ULK4: variants seen among roughly 807,000 people sequenced by gnomAD.
The protein encoded by ULK4 is unc-51 like kinase 4.
ULK4 carries 133 observed loss-of-function variants against 160.6 expected under a neutral mutation model. The observed-to-expected ratio is 0.83, with a 90% CI of 0.72 to 0.96. ULK4 has a LOEUF of 0.96. ULK4 is among the 40% of genes least tolerant of loss of function. ULK4 has a pLI of 0.00. For missense variants in ULK4, 1,580 were observed against 1,499.5 expected, an observed-to-expected ratio of 1.05 and a Z score of -0.89; for synonymous variants, 534 against 539.8, an observed-to-expected ratio of 0.99 and a Z score of 0.15.
intron 32 of ULK4, among the ~76,000 whole-genome samples, chr3:41,493,005 A>G (rs1436287165): frequency 7.3e-6 from 1 of 136,094 alleles, no homozygotes; most frequent in African/African-American, 2.7e-5. Flanking sequence ...CACTGTCAAC[A>G]TTAGACAGAT....
chr3:41,327,283 G>T (rs1309483466), intron 35 of ULK4, among the ~76,000 whole-genome samples: 1 of 152,090 alleles, frequency 6.6e-6, no homozygotes, highest in Non-Finnish European at 1.5e-5. Flanking sequence ...ACTTTCAGGA[G>T]CAAATTACAC....
intron 18 of ULK4, among the ~76,000 whole-genome samples, chr3:41,824,800 C>T (rs1254154538): frequency 6.6e-6 from 1 of 152,170 alleles, no homozygotes. Context: ...CCCTGTCTGC[C>T]AGCTTTGAAG....
intron 35 of ULK4, among the ~76,000 whole-genome samples, chr3:41,337,114 C>T (rs908374979): frequency 1.3e-5 from 2 of 152,190 alleles, no homozygotes; most frequent in Non-Finnish European, 2.9e-5. Context: ...CATGAATCAA[C>T]AGCAAATTCA....
At chr3:41,579,485 ATTTTTTTTTTTTTT>A (rs59650826) in intron 31 of ULK4, among the ~76,000 whole-genome samples, 3 of 85,194 alleles carry the variant, frequency 3.5e-5, no homozygotes, top group Middle Eastern at 7.2e-3. Context: ...TGGAACTAAT[ATTTTTTTTTTTTTT>A]TTTTTTTTTT....
At chr3:41,831,774 C>T (rs1057357798) in intron 18 of ULK4, among the ~76,000 whole-genome samples, 4 of 151,946 alleles carry the variant, frequency 2.6e-5, no homozygotes, top group Non-Finnish European at 5.9e-5. Flanking sequence ...TGTTCAACTC[C>T]CATTTGTGAG....
intron 35 of ULK4, among the ~76,000 whole-genome samples, chr3:41,316,481 G>C (rs919220709): frequency 1.3e-5 from 2 of 152,144 alleles, no homozygotes; most frequent in Middle Eastern, 3.2e-3. Flanking sequence ...GATGAAGCTG[G>C]AGGCCATAAT....
chr3:41,491,764 G>A (rs2084776308), intron 32 of ULK4, among the ~76,000 whole-genome samples: 1 of 143,004 alleles, frequency 7.0e-6, no homozygotes, highest in Admixed American at 7.0e-5. Context: ...AAGTTTTAGG[G>A]TACATGTGCA....
At chr3:41,589,263 C>A (rs1258125916) in intron 31 of ULK4, among the ~76,000 whole-genome samples, 1 of 151,880 alleles carries the variant, frequency 6.6e-6, no homozygotes, top group Non-Finnish European at 1.5e-5. Context: ...CAGAGTCCAG[C>A]AATCTAGATT....
intron 34 of ULK4, among the ~76,000 whole-genome samples, chr3:41,433,510 T>C (rs7623860): frequency 0.25 from 37,462 of 152,072 alleles, 4,871 homozygotes; most frequent in African/African-American, 0.31. Context: ...CAAGTAAACA[T>C]AGTATGTTGA....
intron 2 of ULK4, among the ~76,000 whole-genome samples, chr3:41,952,910 C>T (rs756294912): frequency 3.3e-5 from 5 of 151,984 alleles, no homozygotes; most frequent in Non-Finnish European, 7.4e-5. Flanking sequence ...CATGCTACAA[C>T]GTGGATAAAC....
chr3:41,356,065 C>A (rs2081023877), intron 35 of ULK4, among the ~76,000 whole-genome samples: 1 of 152,136 alleles, frequency 6.6e-6, no homozygotes, highest in Non-Finnish European at 1.5e-5. Flanking sequence ...GTTTATCATT[C>A]TGACCTTGGT....
chr3:41,645,209 T>C (rs1342564637), intron 30 of ULK4, among the ~76,000 whole-genome samples: 5 of 151,914 alleles, frequency 3.3e-5, no homozygotes, highest in African/African-American at 9.7e-5. Flanking sequence ...CTGCTCTGAT[T>C]TTAGTTATTT....
intron 32 of ULK4, among the ~76,000 whole-genome samples, chr3:41,544,913 A>C (rs2086807868): frequency 6.6e-6 from 1 of 152,192 alleles, no homozygotes; most frequent in African/African-American, 2.4e-5. Flanking sequence ...GCTACCATGC[A>C]GGTATGAAAG....
rs752017937 is a variant in ULK4 at position 41,931,984 on chromosome 3, G to A, written c.401C>T (p.Thr134Ile). ...PRKILLEGPGTLKFSNFCLAK... is the reference protein window; with the variant it reads ...PRKILLEGPGILKFSNFCLAK... ...CAAGCAAAAGTTGCTAAACTTCAGT[G>A]TGCCAGGCCCTTCCAAGAGTATCTA... Residue 134 changes from threonine (T) to isoleucine (I), a missense_variant, in exon 5 of 37, where the codon ACA (threonine) becomes ATA (isoleucine). Thr to Ile is a moderately conservative substitution (Grantham distance 89). Coordinates refer to ENST00000301831, the MANE Select transcript of ULK4 (RefSeq NM_017886.4). The A allele has an allele frequency of 6.2e-7, 1 of 1,613,788 alleles. No homozygotes were observed. The highest frequency in any genetic ancestry group is 2.2e-5 in the East Asian group (1 of 44,892).
chr3:41,592,086 C>T (rs752720006), intron 31 of ULK4, among the ~76,000 whole-genome samples: 4 of 152,138 alleles, frequency 2.6e-5, no homozygotes, highest in Non-Finnish European at 4.4e-5. Context: ...CTGAAGGAAG[C>T]GGACTGCTCC....
chr3:41,709,434 T>C (rs1334833703), intron 25 of ULK4, among the ~76,000 whole-genome samples: 1 of 152,228 alleles, frequency 6.6e-6, no homozygotes, highest in African/African-American at 2.4e-5. Context: ...GTCACCAGGC[T>C]GGAGTGCACT....
At chr3:41,395,583 G>C (rs2082042234) in intron 35 of ULK4, among the ~76,000 whole-genome samples, 1 of 152,118 alleles carries the variant, frequency 6.6e-6, no homozygotes, top group South Asian at 2.1e-4. Context: ...CAAATTCATA[G>C]AAACAGAAAG....
chr3:41,319,067 T>C (rs906936021), intron 35 of ULK4, among the ~76,000 whole-genome samples: 1 of 152,208 alleles, frequency 6.6e-6, no homozygotes, highest in African/African-American at 2.4e-5. Context: ...AGTTTAGGTA[T>C]TTCTTGCATG....
intron 22 of ULK4, among the ~76,000 whole-genome samples, chr3:41,721,254 AATTT>A (rs2037444640): frequency 7.4e-5 from 3 of 40,634 alleles, no homozygotes; most frequent in Admixed American, 3.4e-4. Flanking sequence ...TTTCGCTTTG[AATTT>A]TTTTTTTTTT....
Sources: allele counts gnomAD v4.1 joint callset (sites outside exome capture counted in the v4.1 genomes callset), GRCh38; gene constraint gnomAD v4.1.1; transcripts MANE v1.5; gene names NCBI Gene and HGNC (gene_info 2026-07-23, HGNC 2026-07-21).